EGFLAM: variants seen among roughly 807,000 people sequenced by gnomAD.
EGFLAM encodes pikachurin.
In EGFLAM, 79 loss-of-function variants were observed where a neutral mutation model predicts 113.1. That is an observed-to-expected ratio of 0.70 (90% confidence interval 0.58 to 0.84). The LOEUF (loss-of-function observed/expected upper bound fraction) is 0.84. Ranked by LOEUF, EGFLAM falls within the 40% of genes least tolerant of loss-of-function variation. The pLI, the probability that EGFLAM is intolerant of heterozygous loss-of-function variation, is 0.00. For missense variants in EGFLAM, 1,265 were observed against 1,291.6 expected (o/e 0.98, Z 0.32); for synonymous variants, 504 against 487.6 (o/e 1.03, Z -0.44).
At chr5:38,278,543 C>A (rs958457784) in intron 1 of EGFLAM, among the ~76,000 whole-genome samples, 1 of 150,724 alleles carries the variant, frequency 6.6e-6, no homozygotes, top group Non-Finnish European at 1.5e-5. Flanking sequence ...GGCTGGAGTG[C>A]AGTGGCACGA....
chr5:38,370,522 A>G, intron 6 of EGFLAM, 60 bp downstream of exon 6: 1 of 1,561,882 alleles, frequency 6.4e-7, no homozygotes, highest in Non-Finnish European at 8.7e-7. Context: ...TTGCCTCATG[A>G]AGACTCACTT....
chr5:38,462,001 T>TA (rs1387030026), intron 20 of EGFLAM, among the ~76,000 whole-genome samples: 3 of 151,414 alleles, frequency 2.0e-5, no homozygotes, highest in East Asian at 2.0e-4. Flanking sequence ...CCGTCTCTAC[T>TA]AAAAAAAATA....
intron 3 of EGFLAM, among the ~76,000 whole-genome samples, chr5:38,342,593 A>G (rs1423385677): frequency 6.6e-6 from 1 of 152,202 alleles, no homozygotes; most frequent in African/African-American, 2.4e-5. Context: ...TCAATTTGGC[A>G]GCATTTCAAG....
rs1194255145 is a variant in EGFLAM, at chr5:38,276,205, G to A, written c.97+17354G>A. 2.6e-5 allele frequency among the ~76,000 whole-genome samples: 4 copies of A among 152,176 alleles called. No homozygotes were observed. In the East Asian group the frequency reaches 7.7e-4, roughly 29 times the overall value. On this transcript the variant is annotated intron_variant, in intron 1 of 21. Coordinates refer to ENST00000322350, the MANE Select transcript of EGFLAM (RefSeq NM_152403.4). ...ACTTTTTAAAACCATCAGATCTTAT[G>A]AGACTTACTCACTATCACGAGAACA...
chr5:38,304,371 A>G (rs1758672224), intron 1 of EGFLAM, among the ~76,000 whole-genome samples: 1 of 152,132 alleles, frequency 6.6e-6, no homozygotes, highest in Non-Finnish European at 1.5e-5. Flanking sequence ...TCTTCCCAAA[A>G]GACTAGTTAA....
At chr5:38,456,907 G>A (rs184713562) in intron 19 of EGFLAM, among the ~76,000 whole-genome samples, 9 of 152,298 alleles carry the variant, frequency 5.9e-5, no homozygotes, top group African/African-American at 1.9e-4. Context: ...GGAAAGTCTG[G>A]GCAGTTGGCC....
intron 5 of EGFLAM, among the ~76,000 whole-genome samples, chr5:38,364,717 G>A (rs1740015665): frequency 6.6e-6 from 1 of 152,178 alleles, no homozygotes; most frequent in South Asian, 2.1e-4. Flanking sequence ...TCCCAGCCCA[G>A]GAGGAAAGAC....
intron 6 of EGFLAM, among the ~76,000 whole-genome samples, chr5:38,383,870 C>T (rs924924781): frequency 4.6e-5 from 7 of 151,802 alleles, no homozygotes; most frequent in African/African-American, 1.7e-4. Flanking sequence ...TGACAGCCCA[C>T]AGGACACTGG....
In EGFLAM at chr5:38,464,064, T is replaced by C. The variant is rs1218719997; in HGVS notation, c.*78T>C. The C allele has an allele frequency of 1.9e-6, 3 of 1,569,326 alleles. No individual in the cohort carries two copies. In the East Asian group the frequency reaches 6.7e-5, roughly 35 times the overall value. On this transcript the variant is annotated 3_prime_UTR_variant, in exon 22 of 22. Coordinates refer to ENST00000322350, the MANE Select transcript of EGFLAM (RefSeq NM_152403.4). ...GGCCCTCAGACCCTGCCTGATGCTA[T>C]ATGCAGAGGCCCAGGGACCAGGTGT... is the stretch of plus-strand genomic sequence containing the variant.
chr5:38,425,108 G>C lies in EGFLAM; in HGVS notation c.1810+16G>C, dbSNP rs1357998341. ...TGTGAAGATGGTGAGAAAGAAGCAA[G>C]TTGAAGGCGGTTTCTATCTGCATGT... On this transcript the variant is annotated intron_variant, in intron 13 of 21. Transcript: ENST00000322350. 1 of 1,610,640 alleles carries C rather than the reference G, an allele frequency of 6.2e-7. No individual in the cohort carries two copies. The highest frequency in any genetic ancestry group is 8.5e-7 in the Non-Finnish European group (1 of 1,177,750).
At chr5:38,410,442 G>A (rs1339173405) in intron 10 of EGFLAM, among the ~76,000 whole-genome samples, 1 of 152,196 alleles carries the variant, frequency 6.6e-6, no homozygotes, top group Non-Finnish European at 1.5e-5. Flanking sequence ...TTCAGGGTAA[G>A]CCTGTTTTGC....
At chr5:38,446,188 C>T (rs1488886859) in intron 17 of EGFLAM, among the ~76,000 whole-genome samples, 2 of 152,190 alleles carry the variant, frequency 1.3e-5, no homozygotes, top group African/African-American at 4.8e-5. Flanking sequence ...GGGCCGGCTG[C>T]CCCGGCTGAG....
At chr5:38,266,015 C>T (rs1236872789) in intron 1 of EGFLAM, among the ~76,000 whole-genome samples, 1 of 152,246 alleles carries the variant, frequency 6.6e-6, no homozygotes, top group East Asian at 1.9e-4. Flanking sequence ...CTGACGACAA[C>T]ATGTTGCTCT....
At chr5:38,405,952 A>AC in intron 6 of EGFLAM, 174 bp from the exon 7 acceptor site, 2 of 623,470 alleles carry the variant, frequency 3.2e-6, no homozygotes, top group South Asian at 3.9e-5. Flanking sequence ...ATGAGAGGAA[A>AC]CTTTTTTTAT....
At chr5:38,275,037 A>G (rs1208153081) in intron 1 of EGFLAM, among the ~76,000 whole-genome samples, 1 of 152,214 alleles carries the variant, frequency 6.6e-6, no homozygotes, top group South Asian at 2.1e-4. Context: ...TGTTATAACT[A>G]TAAGATGTTT....
At chr5:38,353,782 AGT>A (rs1369629149) in intron 5 of EGFLAM, among the ~76,000 whole-genome samples, 1 of 152,190 alleles carries the variant, frequency 6.6e-6, no homozygotes, top group Non-Finnish European at 1.5e-5. Flanking sequence ...TCTCTGTTTT[AGT>A]GGCTTCATTT....
intron 1 of EGFLAM, among the ~76,000 whole-genome samples, chr5:38,292,197 CA>C (rs1758352719): frequency 6.6e-6 from 1 of 152,190 alleles, no homozygotes; most frequent in Non-Finnish European, 1.5e-5. Context: ...TGTCTTATCA[CA>C]TTACTTGCTT....
intron 1 of EGFLAM, among the ~76,000 whole-genome samples, chr5:38,274,404 T>C (rs899541126): frequency 1.8e-4 from 27 of 152,252 alleles, no homozygotes; most frequent in African/African-American, 6.5e-4. Context: ...GGACATATTA[T>C]AATCGAACTG....
At chr5:38,278,520 G>C (rs1190477859) in intron 1 of EGFLAM, among the ~76,000 whole-genome samples, 2 of 147,288 alleles carry the variant, frequency 1.4e-5, no homozygotes, top group Non-Finnish European at 3.0e-5. Context: ...GACAAGTCTT[G>C]CTCTGTCACT....
Sources: gnomAD v4.1 joint callset for allele counts (sites outside exome capture counted in the v4.1 genomes callset) on GRCh38, gnomAD v4.1.1 for gene constraint, MANE v1.5 for transcripts, NCBI Gene and HGNC (gene_info 2026-07-23, HGNC 2026-07-21) for gene names.